Variants in ZFAND6 observed in about 807,000 individuals in gnomAD.
The protein encoded by ZFAND6 is AN1-type zinc finger protein 6.
In ZFAND6, 12 loss-of-function variants were observed where a neutral mutation model predicts 24.5. The ratio of observed to expected loss-of-function variants is 0.49; its 90% CI spans 0.31 to 0.79. ZFAND6 has a LOEUF of 0.79. ZFAND6 is among the 30% of genes least tolerant of loss of function. The probability of loss-of-function intolerance (pLI) is 0.04; values close to 1 mark genes in which losing one functional copy is unlikely to be tolerated. For synonymous variants in ZFAND6, 92 were observed against 81.5 expected, an observed-to-expected ratio of 1.13 and a Z score of -0.69; for missense variants, 207 against 245.9, an observed-to-expected ratio of 0.84 and a Z score of 1.06.
At chr15:80,112,025 C>T (rs777796740) in intron 2 of ZFAND6, among the ~76,000 whole-genome samples, 15 of 152,098 alleles carry the variant, frequency 9.9e-5, no homozygotes, top group Non-Finnish European at 1.6e-4. Context: ...TTAGGGAGGC[C>T]GAGGGAGGTG....
At chr15:80,122,654 C>G (rs543836621) in intron 4 of ZFAND6, 46 bp from the exon 5 acceptor site, 1 of 1,212,020 alleles carries the variant, frequency 8.3e-7, no homozygotes. Context: ...AGTTAATATT[C>G]ATGTGTAGAG....
intron 1 of ZFAND6, among the ~76,000 whole-genome samples, chr15:80,063,482 C>T (rs2036443235): frequency 6.6e-6 from 1 of 152,010 alleles, no homozygotes; most frequent in Non-Finnish European, 1.5e-5. Flanking sequence ...ACCTCTGTCT[C>T]CTAGGTTGAA....
chr15:80,077,906 G>T (rs1237870862), intron 1 of ZFAND6, among the ~76,000 whole-genome samples: 2 of 151,636 alleles, frequency 1.3e-5, no homozygotes, highest in Admixed American at 1.3e-4. Flanking sequence ...CACCATATTG[G>T]CCAGGCTGGT....
intron 1 of ZFAND6, among the ~76,000 whole-genome samples, chr15:80,065,742 A>T (rs1054947495): frequency 6.6e-6 from 1 of 151,336 alleles, no homozygotes; most frequent in African/African-American, 2.4e-5. Context: ...ATAGGGTTTC[A>T]TCGTGTTGGC....
chr15:80,061,341 A>G (rs773635717), intron 1 of ZFAND6, among the ~76,000 whole-genome samples: 14 of 152,142 alleles, frequency 9.2e-5, no homozygotes, highest in Non-Finnish European at 1.6e-4. Flanking sequence ...ATTGTCAACT[A>G]TATGTCAGTA....
intron 1 of ZFAND6, chr15:80,060,358 T>G (rs1199102874): frequency 6.6e-6 from 1 of 152,198 alleles, no homozygotes; most frequent in Admixed American, 6.5e-5. Context: ...TCTCTTTTTT[T>G]CCTGCTTGGG....
Position 80,079,856 on chromosome 15 carries a change from G to A in ZFAND6, c.-180-18560G>A, listed in dbSNP as rs186767304. Among the ~76,000 whole-genome samples the A allele has an allele frequency of 7.0e-4, 103 of 147,574 alleles. 1 individual carries two copies. Among genetic ancestry groups the A allele is most frequent in the Admixed American group, 6.1e-4 (9 of 14,842 alleles). ...TTTTTAGTAGAGTCGGGGTTTCACC[G>A]TAGCCAGGATGGTCTCGATCTCCTG... is the stretch of plus-strand genomic sequence containing the variant. On this transcript the variant is annotated intron_variant, in intron 1 of 6. Coordinates refer to ENST00000261749, the MANE Select transcript of ZFAND6 (RefSeq NM_019006.4).
At chr15:80,113,055 G>T (rs912072698) in intron 2 of ZFAND6, among the ~76,000 whole-genome samples, 1 of 147,988 alleles carries the variant, frequency 6.8e-6, no homozygotes, top group African/African-American at 2.5e-5. Flanking sequence ...TTGCGGTGTC[G>T]TACTAGTTCA....
chr15:80,086,513 C>T (rs1229058540), intron 1 of ZFAND6, among the ~76,000 whole-genome samples: 3 of 152,198 alleles, frequency 2.0e-5, no homozygotes, highest in African/African-American at 7.2e-5. Flanking sequence ...ATCCCCTTTC[C>T]TACCACCCAT....
At position 80,070,580 on chromosome 15, in the gene ZFAND6, G is replaced by T. The variant is rs538641630; in HGVS notation, c.-181+10771G>T. Among the ~76,000 whole-genome samples, 3 of 152,246 alleles carry T rather than the reference G, an allele frequency of 2.0e-5. No individual in the cohort carries two copies. The East Asian group carries it at 5.8e-4, about 29-fold the overall frequency. ...GATGTTCTTTCAAGCAGGTCCCAGA[G>T]ATCTTAAAATGATCCGGAATCACTG... On this transcript the variant is annotated intron_variant, in intron 1 of 6. Transcript: ENST00000261749.
At chr15:80,069,787 C>A (rs2036870640) in intron 1 of ZFAND6, among the ~76,000 whole-genome samples, 1 of 151,916 alleles carries the variant, frequency 6.6e-6, no homozygotes, top group African/African-American at 2.4e-5. Context: ...TTTTGTAGTT[C>A]TAGTAGAGAC....
At chr15:80,087,841 T>C (rs945430689) in intron 1 of ZFAND6, among the ~76,000 whole-genome samples, 1 of 152,178 alleles carries the variant, frequency 6.6e-6, no homozygotes, top group Non-Finnish European at 1.5e-5. Context: ...ATTCTTACTT[T>C]CCTTGGGGGT....
chr15:80,137,719 G>GTGTA lies in ZFAND6; in HGVS notation c.*93_*96dup. 5.3e-6 allele frequency: 7 copies of GTGTA among 1,321,462 alleles called. No homozygotes were observed. The highest frequency in any genetic ancestry group is 7.0e-6 in the Non-Finnish European group (7 of 997,340). The allele number at this position is 1,321,462 out of a possible 1,614,324, so 81.9% of individuals were successfully genotyped here. A position where few individuals can be genotyped will look rare whatever the true frequency, so the allele number is the denominator to read the frequency against. On this transcript the variant is annotated 3_prime_UTR_variant, in exon 7 of 7. Transcript: ENST00000261749. ...TCCTAGTCATTGGGAATGTAGAGCAGTGTATCTTGCATGTCATCGGAAGAA... is the reference window on the plus strand; with the variant it reads ...TCCTAGTCATTGGGAATGTAGAGCAGTGTATGTATCTTGCATGTCATCGGAAGAA...
At chr15:80,121,155 G>A (rs1241406825) in intron 3 of ZFAND6, among the ~76,000 whole-genome samples, 1 of 148,194 alleles carries the variant, frequency 6.7e-6, no homozygotes, top group Non-Finnish European at 1.5e-5. Flanking sequence ...AGATTTTTGT[G>A]GTTAATGAAA....
chr15:80,137,507 A>G lies in ZFAND6; in HGVS notation c.506A>G (p.Tyr169Cys). 6.2e-7 allele frequency: 1 copy of G among 1,603,738 alleles called. No homozygotes were observed. The highest frequency in any genetic ancestry group is 8.5e-7 in the Non-Finnish European group (1 of 1,177,124). ...TTTGAATGCCGGTGTGGAAATGTTT[A>G]CTGTGGTGTACACCGTTACTCAGAT... ...TGFECRCGNVYCGVHRYSDVH... is the reference protein window; with the variant it reads ...TGFECRCGNVCCGVHRYSDVH... The change falls in exon 7 of 7, where the codon TAC becomes TGC. Residue 169 changes from tyrosine to cysteine, a missense_variant. Tyr to Cys is a radical substitution (Grantham distance 194, BLOSUM62 -2). Coordinates refer to ENST00000261749, the MANE Select transcript of ZFAND6 (RefSeq NM_019006.4).
intron 1 of ZFAND6, among the ~76,000 whole-genome samples, chr15:80,079,916 G>T (rs2037547716): frequency 6.6e-6 from 1 of 151,886 alleles, no homozygotes; most frequent in Admixed American, 6.6e-5. Flanking sequence ...CTCCCAAAAT[G>T]CTGGATTACA....
At chr15:80,128,929 CAGTAGTTAGACCA>C (rs957473253) in intron 5 of ZFAND6, among the ~76,000 whole-genome samples, 8 of 152,286 alleles carry the variant, frequency 5.3e-5, no homozygotes, top group Admixed American at 3.3e-4. Context: ...ATTTGTGTCT[CAGTAGTTAGACCA>C]GTTTTGTTAA....
At chr15:80,060,371 T>A (rs2036265386) in intron 1 of ZFAND6, 1 of 152,142 alleles carries the variant, frequency 6.6e-6, no homozygotes, top group South Asian at 2.1e-4. Context: ...TGCTTGGGTT[T>A]AGCTTGCTTA....
At chr15:80,111,682 C>T (rs973788155) in intron 2 of ZFAND6, 14 of 306,956 alleles carry the variant, frequency 4.6e-5, no homozygotes, top group Non-Finnish European at 6.5e-5. Context: ...GGGAGGGGCT[C>T]ATCTTACCAC....
Sources: allele counts gnomAD v4.1 joint callset (sites outside exome capture counted in the v4.1 genomes callset), GRCh38; gene constraint gnomAD v4.1.1; transcripts MANE v1.5; gene names NCBI Gene and HGNC (gene_info 2026-07-23, HGNC 2026-07-21).